Variants in UTRN observed in about 807,000 individuals in gnomAD.
UTRN encodes dystrophin-related protein 1.
Under a neutral mutation model 463.9 loss-of-function variants are expected in UTRN, and 283 were observed. The ratio of observed to expected loss-of-function variants is 0.61; its 90% CI spans 0.55 to 0.67. The LOEUF (loss-of-function observed/expected upper bound fraction) is 0.67, where lower values mean the gene tolerates loss of function less well. Among genes scored for constraint, UTRN ranks in the 30% least tolerant of loss-of-function variants. The pLI is 0.00. For synonymous variants in UTRN, 1,442 were observed against 1,431.5 expected, an observed-to-expected ratio of 1.01 and a Z score of -0.17; for missense variants, 3,922 against 4,084.3, an observed-to-expected ratio of 0.96 and a Z score of 1.08.
At chr6:144,310,989 T>G (rs1040306945) in intron 2 of UTRN, among the ~76,000 whole-genome samples, 1 of 152,236 alleles carries the variant, frequency 6.6e-6, no homozygotes, top group Non-Finnish European at 1.5e-5. Context: ...AGTATAGATA[T>G]TTGTCAGCGT....
chr6:144,592,488 A>T (rs1225124106), intron 51 of UTRN, among the ~76,000 whole-genome samples: 2 of 152,084 alleles, frequency 1.3e-5, no homozygotes, highest in African/African-American at 4.8e-5. Context: ...CTCCTGCCTC[A>T]GTCTCCCAAG....
intron 58 of UTRN, among the ~76,000 whole-genome samples, chr6:144,761,516 A>G (rs1792675838): frequency 1.3e-5 from 2 of 151,980 alleles, no homozygotes; most frequent in Admixed American, 1.3e-4. Context: ...GCATGGTAAC[A>G]TGCGCCTATA....
At chr6:144,614,955 G>T (rs1805924840) in intron 51 of UTRN, among the ~76,000 whole-genome samples, 1 of 152,006 alleles carries the variant, frequency 6.6e-6, no homozygotes, top group Admixed American at 6.6e-5. Context: ...ACATTTCAAA[G>T]GCACAAATTA....
intron 32 of UTRN, among the ~76,000 whole-genome samples, chr6:144,492,874 A>G (rs1460238701): frequency 6.6e-6 from 1 of 152,240 alleles, no homozygotes; most frequent in African/African-American, 2.4e-5. Flanking sequence ...ATAGAAATAA[A>G]TGTTAATAAT....
At chr6:144,788,297 C>G (rs1220866297) in intron 61 of UTRN, among the ~76,000 whole-genome samples, 2 of 152,086 alleles carry the variant, frequency 1.3e-5, no homozygotes, top group Admixed American at 1.3e-4. Flanking sequence ...ACTGCATTGA[C>G]AGAAAATTAA....
chr6:144,685,420 G>A (rs1352642720), intron 52 of UTRN, among the ~76,000 whole-genome samples: 1 of 152,120 alleles, frequency 6.6e-6, no homozygotes, highest in Non-Finnish European at 1.5e-5. Flanking sequence ...AGATCACATA[G>A]TGGATGTACT....
chr6:144,433,334 C>T (rs1786105481), intron 9 of UTRN, among the ~76,000 whole-genome samples: 1 of 150,490 alleles, frequency 6.6e-6, no homozygotes, highest in Non-Finnish European at 1.5e-5. Flanking sequence ...CCACCTCCCT[C>T]CCGGACGGGG....
chr6:144,738,365 C>T (rs528003081), intron 54 of UTRN, among the ~76,000 whole-genome samples: 2 of 152,278 alleles, frequency 1.3e-5, no homozygotes, highest in South Asian at 4.1e-4. Flanking sequence ...CAGCCTTCAC[C>T]CACCCCTACC....
chr6:144,472,017 A>G (rs1167735465), intron 23 of UTRN, among the ~76,000 whole-genome samples: 3 of 152,232 alleles, frequency 2.0e-5, no homozygotes, highest in Admixed American at 6.5e-5. Context: ...GCATAAATCT[A>G]CATCCCAAGT....
chr6:144,755,284 C>A (rs978940360), intron 57 of UTRN, among the ~76,000 whole-genome samples: 6 of 152,114 alleles, frequency 3.9e-5, no homozygotes, highest in African/African-American at 1.4e-4. Flanking sequence ...AGTTTTTCTG[C>A]TATTCGAGTA....
chr6:144,363,990 A>G (rs1248226732), intron 2 of UTRN, among the ~76,000 whole-genome samples: 1 of 152,160 alleles, frequency 6.6e-6, no homozygotes, highest in Admixed American at 6.5e-5. Flanking sequence ...AAGAAGGTGA[A>G]TCTGTCAGAG....
intron 53 of UTRN, among the ~76,000 whole-genome samples, chr6:144,719,965 G>T (rs1786934279): frequency 1.3e-5 from 2 of 152,210 alleles, no homozygotes; most frequent in Admixed American, 1.3e-4. Context: ...TAAAGAAGGG[G>T]GGTGACCCCA....
intron 65 of UTRN, among the ~76,000 whole-genome samples, chr6:144,814,148 T>TG (rs1778873371): frequency 1.3e-5 from 2 of 152,154 alleles, no homozygotes; most frequent in African/African-American, 4.8e-5. Context: ...TGTTAGGAGA[T>TG]GGGGCCTTGG....
intron 51 of UTRN, among the ~76,000 whole-genome samples, chr6:144,612,194 C>T (rs887268423): frequency 6.6e-6 from 1 of 152,032 alleles, no homozygotes. Context: ...AAAGTAGACC[C>T]CTATCTTACA....
intron 51 of UTRN, among the ~76,000 whole-genome samples, chr6:144,593,046 G>A (rs1168519228): frequency 2.0e-5 from 3 of 152,186 alleles, no homozygotes; most frequent in Non-Finnish European, 4.4e-5. Flanking sequence ...TGTCAGAGAA[G>A]TGTTAGTACT....
chr6:144,574,782 A>C (rs965446805), intron 50 of UTRN, among the ~76,000 whole-genome samples: 2 of 152,128 alleles, frequency 1.3e-5, no homozygotes, highest in Admixed American at 6.6e-5. Context: ...GAATTTCACT[A>C]TGTTGTCCAG....
At chr6:144,827,786 G>T in intron 68 of UTRN, 110 bp downstream of exon 68, 2 of 1,310,188 alleles carry the variant, frequency 1.5e-6, no homozygotes, top group Non-Finnish European at 1.0e-6. Context: ...CAGTTTTGCA[G>T]GAGTTATGAT....
chr6:144,310,982 A>G (rs1165561664), intron 2 of UTRN, among the ~76,000 whole-genome samples: 1 of 152,218 alleles, frequency 6.6e-6, no homozygotes, highest in African/African-American at 2.4e-5. Flanking sequence ...TCAGTGTAGT[A>G]TAGATATTTG....
intron 51 of UTRN, among the ~76,000 whole-genome samples, chr6:144,603,087 A>ATT (rs200966788): frequency 7.9e-5 from 12 of 151,866 alleles, no homozygotes; most frequent in Admixed American, 7.9e-4. Context: ...GTTTTTATGA[A>ATT]TTTTTTTTGT....
Sources: allele counts gnomAD v4.1 joint callset (sites outside exome capture counted in the v4.1 genomes callset), GRCh38; gene constraint gnomAD v4.1.1; transcripts MANE v1.5; gene names NCBI Gene and HGNC (gene_info 2026-07-23, HGNC 2026-07-21).